IDE: variants seen among roughly 807,000 people sequenced by gnomAD.
IDE encodes insulin degrading enzyme, also known as insulin-degrading enzyme.
A neutral mutation model predicts 133.2 loss-of-function variants in IDE; 58 were observed. The observed-to-expected ratio is 0.44, with a 90% CI of 0.35 to 0.54. IDE has a LOEUF of 0.54. IDE is among the 20% of genes least tolerant of loss of function. The pLI, the probability that IDE is intolerant of heterozygous loss-of-function variation, is 0.00. For synonymous variants in IDE, 396 were observed against 421.3 expected, an observed-to-expected ratio of 0.94 and a Z score of 0.73; for missense variants, 981 against 1,234.0, an observed-to-expected ratio of 0.79 and a Z score of 3.07.
At chr10:92,463,410 A>G (rs950085209) in intron 21 of IDE, among the ~76,000 whole-genome samples, 6 of 152,224 alleles carry the variant, frequency 3.9e-5, no homozygotes, top group African/African-American at 1.2e-4. Context: ...TATTATGGGA[A>G]ATAGATACTT....
At chr10:92,488,749 C>T (rs1847164601) in intron 12 of IDE, among the ~76,000 whole-genome samples, 1 of 150,834 alleles carries the variant, frequency 6.6e-6, no homozygotes, top group African/African-American at 2.4e-5. Context: ...TGCACTCCAG[C>T]CCAGGCAACA....
Position 92,537,383 on chromosome 10 carries a change from G to A in IDE, c.266C>T (p.Ala89Val), listed in dbSNP as rs748892576. The change falls in exon 2 of 25, where the codon GCA becomes GTA. Residue 89 changes from alanine (A) to valine (V), a missense_variant. By Grantham distance (64) the Ala-to-Val change is moderately conservative. Around this residue, in one of 2 missense-constraint regions of IDE, gnomAD observed 321 missense variants for 339.3 expected, o/e 0.95. Coordinates refer to ENST00000265986, the MANE Select transcript of IDE (RefSeq NM_004969.4). ...AATTGTACCTATGTGCACATCAAGTGCTGCTGATGACTTATCCGTGGTGGG... is the reference window on the plus strand; with the variant it reads ...AATTGTACCTATGTGCACATCAAGTACTGCTGATGACTTATCCGTGGTGGG... ...SDPTTDKSSA[A>V]LDVHIGSLSD... 1 of 1,604,610 alleles carries A rather than the reference G, an allele frequency of 6.2e-7. No individual in the cohort carries two copies. The highest frequency in any genetic ancestry group is 1.1e-5 in the South Asian group (1 of 88,288).
intron 1 of IDE, among the ~76,000 whole-genome samples, chr10:92,544,648 A>G (rs1395739941): frequency 6.6e-6 from 1 of 152,206 alleles, no homozygotes; most frequent in African/African-American, 2.4e-5. Flanking sequence ...TTCTTCCCTT[A>G]CAATCCCAAA....
chr10:92,465,558 C>G, intron 20 of IDE, 118 bp downstream of exon 20: 2 of 835,404 alleles, frequency 2.4e-6, no homozygotes, highest in South Asian at 3.7e-5. Flanking sequence ...TTTCTCAAGT[C>G]TCTCTAAGTA....
intron 19 of IDE, 106 bp from the exon 20 acceptor site, chr10:92,465,949 T>C (rs944577539): frequency 2.1e-6 from 2 of 937,604 alleles, no homozygotes; most frequent in African/African-American, 3.3e-5. Flanking sequence ...TAGACATTAA[T>C]AGAAAAGGGA....
At position 92,467,234 on chromosome 10, in the gene IDE, A is replaced by G. The variant is rs1180588089; in HGVS notation, c.2321-1391T>C. On this transcript the variant is annotated intron_variant, in intron 19 of 24. Transcript: ENST00000265986. ...CAGGTGTGCGCCACTATGCCCAGCT[A>G]ATTTTTTTTATTTTAAATTTTTTGT... is the stretch of plus-strand genomic sequence containing the variant. Among the ~76,000 whole-genome samples, 12 of 152,020 alleles carry G rather than the reference A, an allele frequency of 7.9e-5. No homozygotes were observed. In the South Asian group the frequency reaches 2.3e-3, roughly 29 times the overall value.
At chr10:92,541,235 T>A (rs190168663) in intron 1 of IDE, 2 of 413,614 alleles carry the variant, frequency 4.8e-6, no homozygotes, top group Non-Finnish European at 5.0e-6. Flanking sequence ...TCCTATTCAA[T>A]ACAAAGTCTG....
chr10:92,496,883 T>C (rs182764524), intron 11 of IDE, among the ~76,000 whole-genome samples: 8 of 152,320 alleles, frequency 5.3e-5, no homozygotes, highest in Non-Finnish European at 1.2e-4. Context: ...AACAGAATCA[T>C]TGTCCATCAT....
At chr10:92,571,471 T>C (rs1157970433) in intron 1 of IDE, among the ~76,000 whole-genome samples, 1 of 152,202 alleles carries the variant, frequency 6.6e-6, no homozygotes, top group Non-Finnish European at 1.5e-5. Flanking sequence ...CACTGTTTCC[T>C]AAGCCTATGG....
chr10:92,494,578 T>C (rs900222335), intron 11 of IDE, among the ~76,000 whole-genome samples: 6 of 151,978 alleles, frequency 3.9e-5, no homozygotes, highest in African/African-American at 9.7e-5. Flanking sequence ...CCTGTCTCTA[T>C]TTAAAGAAAA....
intron 21 of IDE, among the ~76,000 whole-genome samples, chr10:92,461,506 C>A (rs1845391868): frequency 6.6e-6 from 1 of 151,902 alleles, no homozygotes; most frequent in African/African-American, 2.4e-5. Context: ...CAGGCACAAG[C>A]CAACACGTCT....
At chr10:92,533,211 C>G (rs1362697236) in intron 3 of IDE, among the ~76,000 whole-genome samples, 1 of 152,172 alleles carries the variant, frequency 6.6e-6, no homozygotes, top group Non-Finnish European at 1.5e-5. Context: ...CATCCCCCAT[C>G]ATACAGAGAT....
chr10:92,474,050 T>C (rs1237913735), intron 17 of IDE, among the ~76,000 whole-genome samples: 1 of 151,966 alleles, frequency 6.6e-6, no homozygotes, highest in Non-Finnish European at 1.5e-5. Context: ...GAGCATTTAG[T>C]CTGCAGAAAA....
At chr10:92,556,787 G>A (rs1312197742) in intron 1 of IDE, among the ~76,000 whole-genome samples, 9 of 151,834 alleles carry the variant, frequency 5.9e-5, no homozygotes, top group East Asian at 1.9e-4. Flanking sequence ...AGCTGAACAC[G>A]GTGGTGGGCG....
At chr10:92,498,039 G>A (rs1847809308) in intron 11 of IDE, among the ~76,000 whole-genome samples, 1 of 152,096 alleles carries the variant, frequency 6.6e-6, no homozygotes, top group Non-Finnish European at 1.5e-5. Context: ...GCATTACCTT[G>A]TGTTTGTACA....
chr10:92,479,639 G>A (rs761558865), intron 14 of IDE: 16 of 453,170 alleles, frequency 3.5e-5, no homozygotes, highest in Admixed American at 7.1e-5. Context: ...GCATGCGTGC[G>A]TGTGTGCGTG....
At chr10:92,513,727 G>A (rs1332302481) in intron 5 of IDE, among the ~76,000 whole-genome samples, 2 of 151,096 alleles carry the variant, frequency 1.3e-5, no homozygotes, top group East Asian at 1.9e-4. Context: ...AATATATTAA[G>A]AATATCTTCC....
intron 11 of IDE, among the ~76,000 whole-genome samples, chr10:92,498,800 A>G (rs1409235974): frequency 3.9e-5 from 6 of 152,044 alleles, no homozygotes. Context: ...TGGCGGGTGC[A>G]TGTTATCCCA....
At chr10:92,541,453 GC>G in intron 1 of IDE, 2 of 245,886 alleles carry the variant, frequency 8.1e-6, no homozygotes, top group South Asian at 8.5e-5. Context: ...TTTATTTATG[GC>G]AAATGTTCTC....
Sources: gnomAD v4.1 joint callset for allele counts (sites outside exome capture counted in the v4.1 genomes callset) on GRCh38, gnomAD v4.1.1 for gene constraint, gnomAD v4.1.1 regional missense constraint, MANE v1.5 for transcripts, NCBI Gene and HGNC (gene_info 2026-07-23, HGNC 2026-07-21) for gene names.